HTR1F: variants seen among roughly 807,000 people sequenced by gnomAD.
The protein encoded by HTR1F is 5-hydroxytryptamine (serotonin) receptor 1F, G protein-coupled.
HTR1F carries 17 observed loss-of-function variants against 24.0 expected under a neutral mutation model. That is an observed-to-expected ratio of 0.71 (90% CI 0.48 to 1.06). HTR1F has a LOEUF of 1.06. Among genes scored for constraint, HTR1F ranks in the 50% least tolerant of loss-of-function variants. The probability of loss-of-function intolerance (pLI) is 0.00; values close to 1 mark genes in which losing one functional copy is unlikely to be tolerated. For missense variants in HTR1F, 391 were observed against 427.8 expected, an observed-to-expected ratio of 0.91 and a Z score of 0.76; for synonymous variants, 186 against 156.8, an observed-to-expected ratio of 1.19 and a Z score of -1.39.
intron 2 of HTR1F, among the ~76,000 whole-genome samples, chr3:87,878,094 G>C (rs1464462330): frequency 6.6e-6 from 1 of 152,148 alleles, no homozygotes; most frequent in African/African-American, 2.4e-5. Flanking sequence ...AGTTTAAATA[G>C]ATTGAGAATC....
intron 2 of HTR1F, among the ~76,000 whole-genome samples, chr3:87,985,334 C>T (rs576735067): frequency 1.1e-5 from 1 of 93,548 alleles, no homozygotes; most frequent in Non-Finnish European, 2.4e-5. Flanking sequence ...GAACCTCCAT[C>T]TCAAAAAAAA....
chr3:87,925,967 T>C (rs147333122), intron 2 of HTR1F, among the ~76,000 whole-genome samples: 1 of 152,350 alleles, frequency 6.6e-6, no homozygotes, highest in East Asian at 1.9e-4. Flanking sequence ...GTTTTTGTCA[T>C]TTCTTAGTGA....
intron 2 of HTR1F, among the ~76,000 whole-genome samples, chr3:87,921,855 G>A (rs1704019369): frequency 6.6e-6 from 1 of 151,722 alleles, no homozygotes; most frequent in South Asian, 2.1e-4. Context: ...TTAACAGAAA[G>A]CCTTCAAGGT....
rs548165742 is a variant in HTR1F at position 87,880,374 on chromosome 3, A to C, written c.-43+58250A>C. On this transcript the variant is annotated intron_variant, in intron 2 of 2. Coordinates refer to ENST00000319595, the MANE Select transcript of HTR1F (RefSeq NM_001322209.2). The stretch of plus-strand genomic sequence containing the variant: ...AAGATAATTTTCACCAAAATTAATC[A>C]GCTCTTTAAAAGACATCATCAGCAA... 3.2e-4 allele frequency among the ~76,000 whole-genome samples: 48 copies of C among 152,314 alleles called. No individual in the cohort carries two copies. The South Asian group carries it at 4.1e-3, about 13-fold the overall frequency.
chr3:87,929,713 T>C (rs1310937487), intron 2 of HTR1F, among the ~76,000 whole-genome samples: 1 of 152,216 alleles, frequency 6.6e-6, no homozygotes, highest in Admixed American at 6.5e-5. Context: ...CCTTGTAAGA[T>C]AGTTTGATAT....
chr3:87,896,068 T>A (rs1343561576), intron 2 of HTR1F, among the ~76,000 whole-genome samples: 1 of 152,216 alleles, frequency 6.6e-6, no homozygotes, highest in Non-Finnish European at 1.5e-5. Context: ...GAATCATTGA[T>A]TTCCCCCACT....
chr3:87,830,943 T>A (rs1284220266), intron 2 of HTR1F, among the ~76,000 whole-genome samples: 1 of 152,224 alleles, frequency 6.6e-6, no homozygotes, highest in African/African-American at 2.4e-5. Context: ...AAATTAGTTT[T>A]AAGTAAATAT....
At chr3:87,871,839 A>G (rs1255238705) in intron 2 of HTR1F, among the ~76,000 whole-genome samples, 1 of 152,082 alleles carries the variant, frequency 6.6e-6, no homozygotes, top group African/African-American at 2.4e-5. Flanking sequence ...CGCTTACAAC[A>G]ATAGGTCAAA....
chr3:87,799,037 CTA>C (rs772120367), intron 1 of HTR1F, among the ~76,000 whole-genome samples: 49 of 152,164 alleles, frequency 3.2e-4, no homozygotes, highest in Non-Finnish European at 6.2e-4. Context: ...TAAAAACAAA[CTA>C]TGTCATTTCT....
chr3:87,870,987 C>CA (rs1180163403), intron 2 of HTR1F, among the ~76,000 whole-genome samples: 3 of 109,422 alleles, frequency 2.7e-5, no homozygotes, highest in African/African-American at 9.8e-5. Flanking sequence ...ACCCAAATCT[C>CA]AGAAAAAAAA....
intron 1 of HTR1F, among the ~76,000 whole-genome samples, chr3:87,811,286 A>C (rs969535646): frequency 6.6e-6 from 1 of 152,160 alleles, no homozygotes; most frequent in African/African-American, 2.4e-5. Flanking sequence ...TTAAAAAAAA[A>C]AAAAGCCTTC....
intron 2 of HTR1F, among the ~76,000 whole-genome samples, chr3:87,880,025 G>A (rs1267695857): frequency 3.9e-5 from 6 of 151,952 alleles, no homozygotes; most frequent in Non-Finnish European, 8.8e-5. Context: ...GAGAGTTAAG[G>A]CTCAATAAAA....
At chr3:87,868,477 C>T (rs919398860) in intron 2 of HTR1F, among the ~76,000 whole-genome samples, 4 of 151,884 alleles carry the variant, frequency 2.6e-5, no homozygotes, top group Non-Finnish European at 4.4e-5. Flanking sequence ...ATATTAGTAG[C>T]AGGTTTTCTT....
At chr3:87,860,484 CT>C (rs1341017594) in intron 2 of HTR1F, among the ~76,000 whole-genome samples, 1 of 152,124 alleles carries the variant, frequency 6.6e-6, no homozygotes, top group Non-Finnish European at 1.5e-5. Flanking sequence ...GACATGCTTC[CT>C]TTGTCATTCA....
intron 2 of HTR1F, among the ~76,000 whole-genome samples, chr3:87,823,694 G>A (rs1559595328): frequency 6.6e-6 from 1 of 151,630 alleles, no homozygotes; most frequent in Admixed American, 6.6e-5. Context: ...GCCAAGGCTG[G>A]TCTTGAACTC....
intron 1 of HTR1F, among the ~76,000 whole-genome samples, chr3:87,814,618 T>C (rs1182389834): frequency 6.6e-6 from 1 of 152,132 alleles, no homozygotes; most frequent in African/African-American, 2.4e-5. Context: ...CTATTATCCA[T>C]CTGTAAAATT....
intron 2 of HTR1F, among the ~76,000 whole-genome samples, chr3:87,931,628 A>G (rs1704274688): frequency 6.6e-6 from 1 of 152,086 alleles, no homozygotes; most frequent in South Asian, 2.1e-4. Context: ...CGCCACACTG[A>G]CTTCCACAAT....
intron 2 of HTR1F, among the ~76,000 whole-genome samples, chr3:87,911,131 G>A (rs141351031): frequency 6.0e-4 from 91 of 151,856 alleles, no homozygotes; most frequent in African/African-American, 1.9e-3. Flanking sequence ...GAGCTTAATC[G>A]AAAGAGATCA....
intron 2 of HTR1F, among the ~76,000 whole-genome samples, chr3:87,966,871 T>C (rs1662953432): frequency 6.6e-6 from 1 of 152,148 alleles, no homozygotes; most frequent in African/African-American, 2.4e-5. Flanking sequence ...GTTCCTTTCC[T>C]ACTCTCATAT....
Sources: allele counts gnomAD v4.1 joint callset (sites outside exome capture counted in the v4.1 genomes callset), GRCh38; gene constraint gnomAD v4.1.1; transcripts MANE v1.5; gene names NCBI Gene and HGNC (gene_info 2026-07-23, HGNC 2026-07-21).